The following CDC42BPG variants were observed in gnomAD, a reference collection of about 807,000 sequenced individuals.
CDC42BPG encodes the protein CDC42 binding protein kinase gamma.
CDC42BPG carries 157 observed loss-of-function variants against 192.2 expected under a neutral mutation model. That is an observed-to-expected ratio of 0.82 (90% CI 0.72 to 0.93). The LOEUF (loss-of-function observed/expected upper bound fraction) is 0.93, where lower values mean the gene tolerates loss of function less well. Among genes scored for constraint, CDC42BPG ranks in the 40% least tolerant of loss-of-function variants. The pLI is 0.00. For synonymous variants in CDC42BPG, 981 were observed against 918.5 expected (o/e 1.07, Z -1.23); for missense variants, 1,992 against 2,122.1 (o/e 0.94, Z 1.20).
Position 64,832,421 on chromosome 11 carries a change from C to T in CDC42BPG, c.3087+7G>A, listed in dbSNP as rs772419346. On this transcript the variant is annotated splice_region_variant and intron_variant, in intron 27 of 36. Coordinates refer to ENST00000342711, the MANE Select transcript of CDC42BPG (RefSeq NM_017525.3). Reference sequence around the variant, plus strand: ...GGTGGCTGCTCCATCTCATCCCAGGCACTCACCCTAAAGATGCGTGGCAGG... The same window carrying T: ...GGTGGCTGCTCCATCTCATCCCAGGTACTCACCCTAAAGATGCGTGGCAGG... The T allele has an allele frequency of 5.0e-6, 8 of 1,612,938 alleles. No individual in the cohort carries two copies. In the Admixed American group the frequency reaches 1.0e-4, roughly 20 times the overall value.
rs893114192 is a variant in CDC42BPG at position 64,835,288 on chromosome 11, A to G, written c.1953+59T>C. 5.0e-6 allele frequency: 8 copies of G among 1,610,664 alleles called. No individual in the cohort carries two copies. In the African/African-American group the frequency reaches 8.0e-5, roughly 16 times the overall value. ...CTGGCTGCAGCTTGCCCACCCCTCA[A>G]CTGGCTCCCCATTGCCTTGTCCGTC... On this transcript the variant is annotated intron_variant, in intron 16 of 36. Coordinates refer to ENST00000342711, the MANE Select transcript of CDC42BPG (RefSeq NM_017525.3).
Position 64,827,587 on chromosome 11 carries a change from A to C in CDC42BPG, c.4090T>G (p.Ser1364Ala), listed in dbSNP as rs1942493369. ...KKVRPLNPEG[S>A]LFLYGTEKVR... Reference sequence around the variant, plus strand: ...TTCTCGGTGCCGTAGAGGAACAGGGAGCCCTCTGGATTGAGGGGCCGCACC... The same window carrying C: ...TTCTCGGTGCCGTAGAGGAACAGGGCGCCCTCTGGATTGAGGGGCCGCACC... Residue 1364 changes from serine (S) to alanine (A), a missense_variant, in exon 32 of 37, where the codon TCC (serine) becomes GCC (alanine). Ser to Ala is a moderately conservative substitution (Grantham distance 99). Transcript: ENST00000342711. 1 of 1,611,778 alleles carries C rather than the reference A, an allele frequency of 6.2e-7. No individual in the cohort carries two copies. The highest frequency in any genetic ancestry group is 1.7e-5 in the Admixed American group (1 of 59,808).
rs1467355999 is a variant in CDC42BPG, at chr11:64,826,670, C to T, written c.4513+1G>A. The T allele has an allele frequency of 6.4e-7, 1 of 1,572,842 alleles. No homozygotes were observed. The highest frequency in any genetic ancestry group is 8.6e-7 in the Non-Finnish European group (1 of 1,159,546). ...ACTGGAGGCTGAGGGGCTGCCCTTA[C>T]TGGGGTCTGCGTCTCCACCGAGGCC... On this transcript the variant is annotated splice_donor_variant, in intron 35 of 36. Transcript: ENST00000342711. LOFTEE classifies it high-confidence loss of function.
chr11:64,826,221 G>A (rs1942409119), intron 36 of CDC42BPG, among the ~76,000 whole-genome samples: 1 of 152,190 alleles, frequency 6.6e-6, no homozygotes, highest in African/African-American at 2.4e-5. Flanking sequence ...CAGGGAGGTT[G>A]GGCATTTTGC....
In CDC42BPG at chr11:64,835,717, G is replaced by A. The variant is rs201028178; in HGVS notation, c.1758+45C>T. 203 of 1,610,778 alleles carry A rather than the reference G, an allele frequency of 1.3e-4. 1 individual carries two copies. The highest frequency in any genetic ancestry group is 1.1e-5 in the South Asian group (1 of 90,704). ...GGCCCTGAGGCTCTGAGTGGGGTCAGGCTGGTGGGGAAGCACCTCTTGCCA... is the reference window on the plus strand; with the variant it reads ...GGCCCTGAGGCTCTGAGTGGGGTCAAGCTGGTGGGGAAGCACCTCTTGCCA... On this transcript the variant is annotated intron_variant, in intron 14 of 36. Coordinates refer to ENST00000342711, the MANE Select transcript of CDC42BPG (RefSeq NM_017525.3).
chr11:64,832,796 C>T, intron 25 of CDC42BPG, 30 bp downstream of exon 25: 1 of 1,591,476 alleles, frequency 6.3e-7, no homozygotes, highest in Non-Finnish European at 8.6e-7. Context: ...CCCCCCATGC[C>T]CATCTTCCCC....
At position 64,827,064 on chromosome 11, in the gene CDC42BPG, T is replaced by A; in HGVS notation, c.4375A>T (p.Arg1459Trp). 1 of 1,610,594 alleles carries A rather than the reference T, an allele frequency of 6.2e-7. No homozygotes were observed. Among genetic ancestry groups the A allele is most frequent in the Non-Finnish European group, 8.5e-7 (1 of 1,177,186 alleles). The part of the protein sequence containing the change: ...VGPANGRPGA[R>W]DKSPAPEEKG... Reference sequence around the variant, plus strand: ...AGAGGACTAACCGGGGACTTGTCCCTGGCGCCGGGCCGCCCGTTGGCAGGG... The same window carrying A: ...AGAGGACTAACCGGGGACTTGTCCCAGGCGCCGGGCCGCCCGTTGGCAGGG... The change falls in exon 34 of 37, where the codon AGG (arginine) becomes TGG (tryptophan). Residue 1459 changes from arginine to tryptophan, a missense_variant. By Grantham distance (101) the Arg-to-Trp change is moderately radical (BLOSUM62 -3). Around this residue, in one of 2 missense-constraint regions of CDC42BPG, gnomAD observed 336 missense variants for 277.9 expected, o/e 1.21. Coordinates refer to ENST00000342711, the MANE Select transcript of CDC42BPG (RefSeq NM_017525.3).
chr11:64,825,877 C>G (rs916160094), intron 36 of CDC42BPG, among the ~76,000 whole-genome samples: 19 of 152,002 alleles, frequency 1.2e-4, no homozygotes, highest in Non-Finnish European at 2.6e-4. Context: ...ACCAGCCTGG[C>G]CAACATAATG....
In CDC42BPG at chr11:64,831,774, C is replaced by T. The variant is rs1942705085; in HGVS notation, c.3088-53G>A. 3 of 1,480,102 alleles carry T rather than the reference C, an allele frequency of 2.0e-6. No homozygotes were observed. The East Asian group carries it at 7.4e-5, about 36-fold the overall frequency. The allele number at this position is 1,480,102 out of a possible 1,614,324, so 91.7% of individuals were successfully genotyped here. On this transcript the variant is annotated intron_variant, in intron 27 of 36. Transcript: ENST00000342711. ...CCGTGGACCAGAGCCATCTGTCCTC[C>T]CTCCCTTCCTGCCTCCAGCAGCCGC...
In CDC42BPG at chr11:64,840,663, G is replaced by T; in HGVS notation, c.337-15C>A. On this transcript the variant is annotated splice_polypyrimidine_tract_variant and intron_variant, in intron 3 of 36. Coordinates refer to ENST00000342711, the MANE Select transcript of CDC42BPG (RefSeq NM_017525.3). The stretch of plus-strand genomic sequence containing the variant: ...AAACAGGCTGTCTGCAGCAGGTTTG[G>T]GGAAGTAAGGGGTGGGGTGGGATCA... 1 of 1,612,374 alleles carries T rather than the reference G, an allele frequency of 6.2e-7. No individual in the cohort carries two copies. Among genetic ancestry groups the T allele is most frequent in the Non-Finnish European group, 8.5e-7 (1 of 1,179,054 alleles).
chr11:64,832,033 G>A (rs1307198954), intron 27 of CDC42BPG, among the ~76,000 whole-genome samples: 1 of 152,266 alleles, frequency 6.6e-6, no homozygotes, highest in Non-Finnish European at 1.5e-5. Flanking sequence ...AGGTAGGTGA[G>A]GGGCTGGGCT....
Position 64,827,328 on chromosome 11 carries a change from C to A in CDC42BPG, c.4221G>T (p.Lys1407Asn), listed in dbSNP as rs770760427. The A allele has an allele frequency of 6.2e-7, 1 of 1,614,100 alleles. No individual in the cohort carries two copies. Among genetic ancestry groups the A allele is most frequent in the East Asian group, 2.2e-5 (1 of 44,882 alleles). The part of the protein sequence containing the change: ...SRRQLFRTKS[K>N]RRFFFRVSEE... ...CCGACACGCGGAAAAAGAAGCGGCG[C>A]TTGCTCTTGGTGCGGAACAGCTGGC... The change falls in exon 33 of 37, where the codon AAG becomes AAT. Residue 1407 changes from lysine (K) to asparagine (N), a missense_variant. By Grantham distance (94) the Lys-to-Asn change is moderately conservative (BLOSUM62 0). Transcript: ENST00000342711.
Position 64,831,498 on chromosome 11 carries a change from A to G in CDC42BPG, c.3304+7T>C, listed in dbSNP as rs1407290462. The G allele has an allele frequency of 6.2e-7, 1 of 1,602,794 alleles. No homozygotes were observed. Among genetic ancestry groups the G allele is most frequent in the Admixed American group, 1.7e-5 (1 of 59,738 alleles). On this transcript the variant is annotated splice_region_variant and intron_variant, in intron 28 of 36. Coordinates refer to ENST00000342711, the MANE Select transcript of CDC42BPG (RefSeq NM_017525.3). ...ACTGCTTCCTCCAGTCCCCTCCACCAGCTCACCGAGGATGGCAGCGCAGAG... is the reference window on the plus strand; with the variant it reads ...ACTGCTTCCTCCAGTCCCCTCCACCGGCTCACCGAGGATGGCAGCGCAGAG...
rs1250292948 is a variant in CDC42BPG at position 64,835,095 on chromosome 11, C to T, written c.2012G>A (p.Arg671Gln). ...GGCCTCCCAGTTGCTCTCCGTCTCC[C>T]GCCGCTCACCCTCCAGCCGCTGCTT... Reference protein sequence around the residue: ...ESKQRLEGERRETESNWEAQL... With the variant: ...ESKQRLEGERQETESNWEAQL... Residue 671 changes from arginine (R) to glutamine (Q), a missense_variant, in exon 17 of 37, where the codon CGG (arginine) becomes CAG (glutamine). This residue lies in a region of CDC42BPG where 1,656 missense variants were observed against 1,844.3 expected (regional missense o/e 0.90). Coordinates refer to ENST00000342711, the MANE Select transcript of CDC42BPG (RefSeq NM_017525.3). 2.1e-5 allele frequency: 33 copies of T among 1,602,190 alleles called. No homozygotes were observed. Among genetic ancestry groups the T allele is most frequent in the Non-Finnish European group, 2.6e-5 (31 of 1,179,860 alleles).
chr11:64,831,759 G>A (rs1592695052), intron 27 of CDC42BPG, 38 bp from the exon 28 acceptor site: 1 of 1,527,478 alleles, frequency 6.5e-7, no homozygotes, highest in Non-Finnish European at 8.8e-7. Context: ...CCGTGGACCA[G>A]AGCCATCTGT....
Position 64,840,582 on chromosome 11 carries a change from G to T in CDC42BPG, c.403C>A (p.His135Asn). The change falls in exon 4 of 37, where the codon CAC (histidine) becomes AAC (asparagine). Residue 135 changes from histidine to asparagine, a missense_variant. By Grantham distance (68) the His-to-Asn change is moderately conservative. Coordinates refer to ENST00000342711, the MANE Select transcript of CDC42BPG (RefSeq NM_017525.3). ...KGDSRWVTTL[H>N]YAFQDEEYLY... Reference sequence around the variant, plus strand: ...TACTCCTCGTCTTGGAAGGCATAGTGCAGAGTGGTCACCCAACGGCTGTCC... The same window carrying T: ...TACTCCTCGTCTTGGAAGGCATAGTTCAGAGTGGTCACCCAACGGCTGTCC... The T allele has an allele frequency of 6.2e-7, 1 of 1,614,000 alleles. No homozygotes were observed. Among genetic ancestry groups the T allele is most frequent in the Non-Finnish European group, 8.5e-7 (1 of 1,180,020 alleles).
At chr11:64,829,202 G>A (rs1013966655) in intron 30 of CDC42BPG, among the ~76,000 whole-genome samples, 14 of 152,158 alleles carry the variant, frequency 9.2e-5, no homozygotes, top group Admixed American at 9.2e-4. Context: ...CCTGGTGACA[G>A]ACAGAGACCC....
At chr11:64,830,306 A>G in intron 28 of CDC42BPG, 50 bp from the exon 29 acceptor site, 2 of 1,476,346 alleles carry the variant, frequency 1.4e-6, no homozygotes, top group Non-Finnish European at 1.9e-6. Flanking sequence ...ACTCAATGAC[A>G]CGGAGATTGG....
intron 1 of CDC42BPG, among the ~76,000 whole-genome samples, chr11:64,843,079 C>T (rs960360499): frequency 2.6e-5 from 4 of 152,100 alleles, no homozygotes; most frequent in Non-Finnish European, 4.4e-5. Context: ...AGAAGAGGGC[C>T]GAAGCCCAGG....
Sources: gnomAD v4.1 joint callset for allele counts (sites outside exome capture counted in the v4.1 genomes callset) on GRCh38, gnomAD v4.1.1 for gene constraint, gnomAD v4.1.1 regional missense constraint, MANE v1.5 for transcripts, NCBI Gene and HGNC (gene_info 2026-07-23, HGNC 2026-07-21) for gene names.